Variants in LRRC37A2 observed in about 807,000 individuals in gnomAD.
The protein encoded by LRRC37A2 is leucine-rich repeat-containing protein 37A2.
In LRRC37A2, 9 loss-of-function variants were observed where a neutral mutation model predicts 68.8. The observed-to-expected ratio is 0.13, with a 90% CI of 0.08 to 0.23. LRRC37A2 has a LOEUF of 0.23. LRRC37A2 is among the 10% of genes least tolerant of loss of function. The pLI is 1.00. For synonymous variants in LRRC37A2, 63 were observed against 367.6 expected, an observed-to-expected ratio of 0.17 and a Z score of 9.48; for missense variants, 168 against 950.4, an observed-to-expected ratio of 0.18 and a Z score of 10.82.
chr17:46,928,128 G>C, the LRRC37A2 span, among the ~76,000 whole-genome samples: 1 of 152,044 alleles, frequency 6.6e-6, no homozygotes. Flanking sequence ...GGAAGCAACG[G>C]CCTGGTCTCG....
the LRRC37A2 span, among the ~76,000 whole-genome samples, chr17:46,776,461 G>A: frequency 6.6e-6 from 1 of 152,204 alleles, no homozygotes; most frequent in East Asian, 1.9e-4. Flanking sequence ...CGGCAGGTCT[G>A]TAATAAAAAC....
chr17:46,906,121 T>TCAGCC, the LRRC37A2 span, among the ~76,000 whole-genome samples: 8 of 152,204 alleles, frequency 5.3e-5, no homozygotes, highest in South Asian at 6.2e-4. Context: ...AGCAGCTCAC[T>TCAGCC]CAGCCCAGCC....
At chr17:47,011,126 GAC>G in the LRRC37A2 span, among the ~76,000 whole-genome samples, 1 of 152,182 alleles carries the variant, frequency 6.6e-6, no homozygotes, top group African/African-American at 2.4e-5. Context: ...GAAGCCGCCT[GAC>G]ACTTGAAGGC....
At chr17:46,550,754 G>A (rs568666334) in intron 11 of LRRC37A2, among the ~76,000 whole-genome samples, 34 of 101,586 alleles carry the variant, frequency 3.3e-4, no homozygotes, top group Non-Finnish European at 7.6e-4. Context: ...AATCCCACTA[G>A]ACTATTTTAA....
chr17:46,775,736 C>G, the LRRC37A2 span, among the ~76,000 whole-genome samples: 1 of 151,534 alleles, frequency 6.6e-6, no homozygotes, highest in Non-Finnish European at 1.5e-5. Flanking sequence ...GCCTCAGCCT[C>G]CCGAGTAGCT....
the LRRC37A2 span, among the ~76,000 whole-genome samples, chr17:46,943,974 AG>A: frequency 6.6e-6 from 1 of 151,980 alleles, no homozygotes; most frequent in African/African-American, 2.4e-5. Flanking sequence ...ATCTAGGAAG[AG>A]GGGGCTCTCG....
the LRRC37A2 span, chr17:46,763,653 G>A: frequency 6.6e-6 from 1 of 152,020 alleles, no homozygotes; most frequent in African/African-American, 2.4e-5. Context: ...CTTATACTAA[G>A]GTGACCTGGA....
the LRRC37A2 span, among the ~76,000 whole-genome samples, chr17:46,926,309 C>T: frequency 0.38 from 57,002 of 151,976 alleles, 10,752 homozygotes; most frequent in South Asian, 0.48. Flanking sequence ...GTGTAGGTTA[C>T]ACAGCGTTTT....
chr17:46,568,889 G>A, the LRRC37A2 span, among the ~76,000 whole-genome samples: 4 of 129,392 alleles, frequency 3.1e-5, no homozygotes, highest in African/African-American at 9.2e-5. Flanking sequence ...CTCTGATCCA[G>A]ATGCAAACAA....
the LRRC37A2 span, among the ~76,000 whole-genome samples, chr17:47,036,237 C>T: frequency 2.0e-5 from 3 of 152,214 alleles, no homozygotes; most frequent in Non-Finnish European, 4.4e-5. Flanking sequence ...AAATGTCTTA[C>T]TCTTCTTTAA....
chr17:46,662,918 A>AC, the LRRC37A2 span, among the ~76,000 whole-genome samples: 1 of 144,330 alleles, frequency 6.9e-6, no homozygotes, highest in Non-Finnish European at 1.6e-5. Flanking sequence ...AATTGTGCTA[A>AC]CATTTTTGAC....
At chr17:47,005,686 G>C in the LRRC37A2 span, 18 of 152,174 alleles carry the variant, frequency 1.2e-4, no homozygotes, top group African/African-American at 4.3e-4. Context: ...GAGGTAAGTT[G>C]CCAGGAATAA....
the LRRC37A2 span, among the ~76,000 whole-genome samples, chr17:46,863,347 T>C: frequency 3.3e-5 from 5 of 152,228 alleles, no homozygotes; most frequent in East Asian, 1.9e-4. Context: ...AGCAGGTGTC[T>C]GTAGAGCATC....
At chr17:46,781,835 C>T in the LRRC37A2 span, among the ~76,000 whole-genome samples, 9 of 152,194 alleles carry the variant, frequency 5.9e-5, no homozygotes, top group Non-Finnish European at 1.0e-4. Flanking sequence ...AGTCTAATTC[C>T]CTCTTCCTCT....
the LRRC37A2 span, among the ~76,000 whole-genome samples, chr17:46,631,080 A>ACACACACACACACACACG: frequency 3.1e-3 from 443 of 143,982 alleles, 10 homozygotes; most frequent in African/African-American, 9.8e-3. Context: ...ACACACACAC[A>ACACACACACACACACACG]CACACACACA....
At chr17:46,939,673 C>T in the LRRC37A2 span, 22 of 985,354 alleles carry the variant, frequency 2.2e-5, no homozygotes, top group Non-Finnish European at 2.5e-5. Flanking sequence ...CACCTGCCAG[C>T]CAGGCCCTCA....
the LRRC37A2 span, chr17:46,830,830 C>T: frequency 1.8e-5 from 7 of 398,190 alleles, no homozygotes; most frequent in Non-Finnish European, 2.7e-5. Context: ...TTCCATTCTC[C>T]TTCACTCCTT....
the LRRC37A2 span, among the ~76,000 whole-genome samples, chr17:47,004,271 T>A: frequency 1.3e-5 from 2 of 152,252 alleles, no homozygotes; most frequent in Admixed American, 1.3e-4. Flanking sequence ...GTATTTCTAG[T>A]TCTAGATCCT....
chr17:46,759,480 A>G, the LRRC37A2 span, among the ~76,000 whole-genome samples: 1 of 152,248 alleles, frequency 6.6e-6, no homozygotes, highest in Admixed American at 6.5e-5. Context: ...CGTAGACGCC[A>G]TGCAACTTCT....
Sources: gnomAD v4.1 joint callset for allele counts (sites outside exome capture counted in the v4.1 genomes callset) on GRCh38, gnomAD v4.1.1 for gene constraint, MANE v1.5 for transcripts, NCBI Gene and HGNC (gene_info 2026-07-23, HGNC 2026-07-21) for gene names.